HELLS: variants seen among roughly 807,000 people sequenced by gnomAD.
HELLS encodes the protein lymphoid-specific helicase.
In HELLS, 32 loss-of-function variants were observed where a neutral mutation model predicts 120.0. The ratio of observed to expected loss-of-function variants is 0.27; its 90% CI spans 0.20 to 0.36. The LOEUF is 0.36. Ranked by LOEUF, HELLS falls within the 10% of genes least tolerant of loss-of-function variation. HELLS has a pLI of 1.00. For missense variants in HELLS, 650 were observed against 993.4 expected, an observed-to-expected ratio of 0.65 and a Z score of 4.65; for synonymous variants, 341 against 323.4, an observed-to-expected ratio of 1.05 and a Z score of -0.58.
intron 2 of HELLS, among the ~76,000 whole-genome samples, chr10:94,552,740 G>T (rs1246046810): frequency 6.6e-6 from 1 of 152,160 alleles, no homozygotes; most frequent in Non-Finnish European, 1.5e-5. Flanking sequence ...GGGAGGACAA[G>T]GCAGACGAAT....
At chr10:94,555,942 A>T (rs1843238536) in intron 3 of HELLS, among the ~76,000 whole-genome samples, 1 of 152,186 alleles carries the variant, frequency 6.6e-6, no homozygotes, top group Non-Finnish European at 1.5e-5. Context: ...TATTCTTTAT[A>T]ATAAACCAAT....
rs559873296 is a variant in HELLS, at chr10:94,576,854, T to G, written c.1032+49T>G. 13 of 1,477,304 alleles carry G rather than the reference T, an allele frequency of 8.8e-6. No individual in the cohort carries two copies. In the South Asian group the frequency reaches 1.4e-4, roughly 16 times the overall value. 91.5% of individuals were successfully genotyped at this position (1,477,304 alleles called of 1,614,324 possible). A position where few individuals can be genotyped will look rare whatever the true frequency, so the allele number is the denominator to read the frequency against. On this transcript the variant is annotated intron_variant, in intron 10 of 21. Coordinates refer to ENST00000348459, the MANE Select transcript of HELLS (RefSeq NM_018063.5). ...CTTTGTAATACATAAAACATGCTTT[T>G]CTTCATTTATATCACTTTCTCACCA... is the stretch of plus-strand genomic sequence containing the variant.
chr10:94,554,999 T>C (rs1406755641), intron 3 of HELLS, among the ~76,000 whole-genome samples: 1 of 151,668 alleles, frequency 6.6e-6, no homozygotes, highest in Non-Finnish European at 1.5e-5. Flanking sequence ...AAAAATTAGC[T>C]AGGTAAGGTG....
chr10:94,593,721 G>A, intron 18 of HELLS, 106 bp downstream of exon 18: 1 of 682,518 alleles, frequency 1.5e-6, no homozygotes, highest in Non-Finnish European at 2.6e-6. Flanking sequence ...GGAGTGCAGT[G>A]GCACGATCTC....
At chr10:94,563,012 A>AATATTATATATCCACCTTTTTTC in intron 6 of HELLS, 136 bp downstream of exon 6, 1 of 614,122 alleles carries the variant, frequency 1.6e-6, no homozygotes, top group Non-Finnish European at 2.8e-6. Flanking sequence ...TATATCATTT[A>AATATTATATATCCACCTTTTTTC]TAGGTGAAGC....
chr10:94,571,414 TA>T lies in HELLS; in HGVS notation c.467del (p.Lys156ArgfsTer27). ...EEILSVAKKN[K>X]KENEDENSSS... ...AAATTTTGTCTGTGGCTAAAAAAAATAAAAAGGAGAATGAGGTAAGAAATTT... is the reference window on the plus strand; with the variant it reads ...AAATTTTGTCTGTGGCTAAAAAAAATAAAAGGAGAATGAGGTAAGAAATTT... On this transcript the variant is annotated frameshift_variant, in exon 7 of 22. Coordinates refer to ENST00000348459, the MANE Select transcript of HELLS (RefSeq NM_018063.5). LOFTEE classifies it high-confidence loss of function. The T allele has an allele frequency of 1.3e-6, 2 of 1,498,294 alleles. No homozygotes were observed. The highest frequency in any genetic ancestry group is 1.8e-6 in the Non-Finnish European group (2 of 1,087,156). 92.8% of individuals were successfully genotyped at this position (1,498,294 alleles called of 1,614,324 possible). A position where few individuals can be genotyped will look rare whatever the true frequency, so the allele number is the denominator to read the frequency against.
intron 17 of HELLS, 130 bp downstream of exon 17, chr10:94,592,644 T>C (rs1845548016): frequency 1.8e-6 from 1 of 566,422 alleles, no homozygotes; most frequent in Non-Finnish European, 2.7e-6. Flanking sequence ...TGTGGTTTTA[T>C]CAAAAACAAA....
chr10:94,577,630 A>G (rs1455783321), intron 10 of HELLS: 3 of 152,390 alleles, frequency 2.0e-5, no homozygotes, highest in Non-Finnish European at 4.4e-5. Flanking sequence ...ACAGCATTAA[A>G]AAGTATTTAA....
chr10:94,550,309 C>T (rs1024061583), intron 2 of HELLS, among the ~76,000 whole-genome samples: 1 of 151,566 alleles, frequency 6.6e-6, no homozygotes, highest in South Asian at 2.1e-4. Flanking sequence ...GACGGAGTCT[C>T]CCTCTGTCAC....
intron 4 of HELLS, among the ~76,000 whole-genome samples, chr10:94,560,326 G>A (rs1428201155): frequency 1.3e-5 from 2 of 152,188 alleles, no homozygotes; most frequent in African/African-American, 4.8e-5. Flanking sequence ...TTGATTCTTA[G>A]ACTAGTTAAT....
chr10:94,561,759 A>C (rs1843564172), intron 4 of HELLS, among the ~76,000 whole-genome samples: 1 of 151,832 alleles, frequency 6.6e-6, no homozygotes, highest in East Asian at 1.9e-4. Context: ...GAGCCACTGC[A>C]CCTGGCCAGA....
exon 10 of HELLS, chr10:94,610,409 A>G (rs1456640976): frequency 6.6e-6 from 1 of 152,038 alleles, no homozygotes; most frequent in East Asian, 1.9e-4. Flanking sequence ...CAGTCTAGCA[A>G]CAGAGCGATA....
At chr10:94,576,031 A>T (rs1208410839) in intron 9 of HELLS, among the ~76,000 whole-genome samples, 1 of 152,024 alleles carries the variant, frequency 6.6e-6, no homozygotes, top group Non-Finnish European at 1.5e-5. Flanking sequence ...TCCCGACCTC[A>T]GGTGGTCTGC....
intron 10 of HELLS, chr10:94,577,614 ATG>A (rs1844562517): frequency 6.5e-6 from 1 of 153,096 alleles, no homozygotes; most frequent in South Asian, 2.0e-4. Context: ...AAGTTTATGA[ATG>A]TGTACAGCAT....
intron 21 of HELLS, 76 bp downstream of exon 21, chr10:94,597,187 C>CA: frequency 1.3e-6 from 1 of 786,678 alleles, no homozygotes; most frequent in Admixed American, 2.4e-5. Context: ...ACCCCTTGTG[C>CA]AATTCATTCA....
intron 12 of HELLS, among the ~76,000 whole-genome samples, chr10:94,586,438 T>TATGAATG (rs1210325191): frequency 6.6e-6 from 1 of 152,194 alleles, no homozygotes; most frequent in Non-Finnish European, 1.5e-5. Context: ...TTTTAACATG[T>TATGAATG]TTATGAAACA....
At chr10:94,607,785 C>T (rs1589773666) in intron 8 of HELLS, 2 of 186,084 alleles carry the variant, frequency 1.1e-5, no homozygotes, top group Non-Finnish European at 2.3e-5. Flanking sequence ...AGTGTAGTGG[C>T]GTGATCTCGG....
chr10:94,545,992 C>T (rs1287592260), intron 1 of HELLS, 40 bp downstream of exon 1: 3 of 1,551,568 alleles, frequency 1.9e-6, no homozygotes, highest in Non-Finnish European at 2.6e-6. Flanking sequence ...TGGCAGCCTG[C>T]GGGGCTGAGG....
intron 6 of HELLS, among the ~76,000 whole-genome samples, chr10:94,563,852 C>T (rs1843669208): frequency 6.7e-6 from 1 of 148,608 alleles, no homozygotes; most frequent in Non-Finnish European, 1.5e-5. Context: ...CCCTTGCTGC[C>T]CAGGCTGGAA....
Sources: gnomAD v4.1 joint callset for allele counts (sites outside exome capture counted in the v4.1 genomes callset) on GRCh38, gnomAD v4.1.1 for gene constraint, MANE v1.5 for transcripts, NCBI Gene and HGNC (gene_info 2026-07-23, HGNC 2026-07-21) for gene names.